The following MAML2 variants were observed in gnomAD, a reference collection of about 807,000 sequenced individuals.
MAML2 encodes mastermind-like protein 2.
MAML2 carries 22 observed loss-of-function variants against 96.1 expected under a neutral mutation model. The ratio of observed to expected loss-of-function variants is 0.23; its 90% CI spans 0.16 to 0.33. The LOEUF (loss-of-function observed/expected upper bound fraction) is 0.33, where lower values mean the gene tolerates loss of function less well. Among genes scored for constraint, MAML2 ranks in the 10% least tolerant of loss-of-function variants. The pLI, the probability that MAML2 is intolerant of heterozygous loss-of-function variation, is 1.00. For missense variants in MAML2, 1,367 were observed against 1,392.4 expected (o/e 0.98, Z 0.29); for synonymous variants, 561 against 521.3 (o/e 1.08, Z -1.04).
intron 1 of MAML2, among the ~76,000 whole-genome samples, chr11:96,318,606 GA>G (rs1016327946): frequency 1.3e-5 from 2 of 152,200 alleles, no homozygotes; most frequent in African/African-American, 4.8e-5. Context: ...ACAACGGTTT[GA>G]TGTCCTTGTA....
chr11:96,205,157 A>G (rs549383178), intron 1 of MAML2, among the ~76,000 whole-genome samples: 13 of 152,230 alleles, frequency 8.5e-5, no homozygotes, highest in Non-Finnish European at 1.9e-4. Context: ...TGAATGCTCC[A>G]GTCTGTTAAT....
At chr11:96,156,190 T>C (rs1022345906) in intron 1 of MAML2, among the ~76,000 whole-genome samples, 1 of 152,152 alleles carries the variant, frequency 6.6e-6, no homozygotes, top group African/African-American at 2.4e-5. Context: ...GAGCCTGTTT[T>C]CTTCTGACCC....
intron 1 of MAML2, among the ~76,000 whole-genome samples, chr11:96,327,468 C>T (rs962301975): frequency 1.3e-5 from 2 of 152,068 alleles, no homozygotes; most frequent in Non-Finnish European, 2.9e-5. Flanking sequence ...TGCTCTGTTA[C>T]CCAGGCTGGA....
At chr11:96,175,254 G>A (rs1861366290) in intron 1 of MAML2, among the ~76,000 whole-genome samples, 1 of 152,202 alleles carries the variant, frequency 6.6e-6, no homozygotes, top group African/African-American at 2.4e-5. Context: ...TCTTGCAGTA[G>A]AGATGCTATT....
chr11:96,288,240 C>G (rs1226877637), intron 1 of MAML2, among the ~76,000 whole-genome samples: 1 of 152,148 alleles, frequency 6.6e-6, no homozygotes, highest in Non-Finnish European at 1.5e-5. Flanking sequence ...TGGATATCTG[C>G]TGATTTTGCA....
intron 1 of MAML2, among the ~76,000 whole-genome samples, chr11:96,198,110 T>A (rs1430315664): frequency 2.0e-5 from 3 of 152,196 alleles, no homozygotes; most frequent in African/African-American, 7.2e-5. Context: ...TTTAAAAAGA[T>A]CACCAATGGG....
chr11:96,215,427 C>G (rs1377874391), intron 1 of MAML2, among the ~76,000 whole-genome samples: 5 of 152,178 alleles, frequency 3.3e-5, no homozygotes, highest in Non-Finnish European at 7.4e-5. Context: ...TTTTAATTCT[C>G]TGCTTTGTTT....
intron 2 of MAML2, among the ~76,000 whole-genome samples, chr11:96,006,789 A>C (rs1591087495): frequency 6.7e-6 from 1 of 150,106 alleles, no homozygotes; most frequent in South Asian, 2.1e-4. Context: ...CAAAGTCCTG[A>C]CCTCAGGTGA....
chr11:96,049,045 C>G (rs1858950893), intron 2 of MAML2, among the ~76,000 whole-genome samples: 1 of 152,100 alleles, frequency 6.6e-6, no homozygotes, highest in Admixed American at 6.6e-5. Flanking sequence ...CTATAATGAA[C>G]CAGTGATGCT....
chr11:96,149,179 C>T (rs867046506), intron 1 of MAML2, among the ~76,000 whole-genome samples: 107 of 151,848 alleles, frequency 7.0e-4, no homozygotes, highest in African/African-American at 2.0e-3. Context: ...TTTGGGAGGC[C>T]GAGGTGGGCA....
chr11:95,983,283 T>A (rs1857771182), intron 4 of MAML2, among the ~76,000 whole-genome samples: 1 of 152,126 alleles, frequency 6.6e-6, no homozygotes, highest in African/African-American at 2.4e-5. Context: ...AAACAAAAAA[T>A]TTTTAAAAAA....
At chr11:96,283,707 C>T (rs544223016) in intron 1 of MAML2, among the ~76,000 whole-genome samples, 166 of 152,290 alleles carry the variant, frequency 1.1e-3, no homozygotes, top group Non-Finnish European at 1.7e-3. Flanking sequence ...TCACAAGGGT[C>T]GCTGATCATT....
intron 1 of MAML2, among the ~76,000 whole-genome samples, chr11:96,290,808 T>C (rs1863197778): frequency 6.6e-6 from 1 of 152,216 alleles, no homozygotes. Flanking sequence ...TTCTTAACAA[T>C]AATTATGGCA....
At chr11:96,162,064 A>G (rs985305714) in intron 1 of MAML2, among the ~76,000 whole-genome samples, 1 of 152,100 alleles carries the variant, frequency 6.6e-6, no homozygotes, top group African/African-American at 2.4e-5. Context: ...CTGAGAAGAC[A>G]TCCCAGACCC....
intron 1 of MAML2, among the ~76,000 whole-genome samples, chr11:96,109,828 A>G (rs1208396203): frequency 2.0e-5 from 3 of 152,174 alleles, no homozygotes; most frequent in African/African-American, 7.2e-5. Flanking sequence ...ACAGATCAGG[A>G]GCGAACTTTG....
chr11:96,164,163 A>C (rs1055316266), intron 1 of MAML2, among the ~76,000 whole-genome samples: 1 of 152,132 alleles, frequency 6.6e-6, no homozygotes, highest in Non-Finnish European at 1.5e-5. Flanking sequence ...GGCATGAGCC[A>C]CCGTGCCCAG....
In MAML2 at chr11:96,282,032, G is replaced by A. The variant is rs530358568; in HGVS notation, c.513+59351C>T. On this transcript the variant is annotated intron_variant, in intron 1 of 4. Coordinates refer to ENST00000524717, the MANE Select transcript of MAML2 (RefSeq NM_032427.4). ...TGGGAGGCCGAGGCAGGCGGATCAC[G>A]AGGTCAGGAGATTGAGACTATCCTG... Among the ~76,000 whole-genome samples, 7 of 152,100 alleles carry A rather than the reference G, an allele frequency of 4.6e-5. No individual in the cohort carries two copies. In the East Asian group the frequency reaches 5.8e-4, roughly 13 times the overall value.
chr11:96,341,245 C>T, intron 1 of MAML2, 138 bp downstream of exon 1: 1 of 973,544 alleles, frequency 1.0e-6, no homozygotes, highest in Non-Finnish European at 1.5e-6. Flanking sequence ...CCCGAACACA[C>T]CCAATGGCCT....
At chr11:96,095,318 G>C (rs1859807350) in intron 1 of MAML2, among the ~76,000 whole-genome samples, 1 of 152,092 alleles carries the variant, frequency 6.6e-6, no homozygotes, top group Non-Finnish European at 1.5e-5. Context: ...TTGTCATCTG[G>C]CTCATCAATA....
Sources: gnomAD v4.1 joint callset for allele counts (sites outside exome capture counted in the v4.1 genomes callset) on GRCh38, gnomAD v4.1.1 for gene constraint, MANE v1.5 for transcripts, NCBI Gene and HGNC (gene_info 2026-07-23, HGNC 2026-07-21) for gene names.